The following OSBPL8 variants were observed in gnomAD, a reference collection of about 807,000 sequenced individuals.
OSBPL8 encodes oxysterol binding protein like 8.
In OSBPL8, 59 loss-of-function variants were observed where a neutral mutation model predicts 125.5. That is an observed-to-expected ratio of 0.47 (90% CI 0.38 to 0.58). The LOEUF (loss-of-function observed/expected upper bound fraction) is 0.58, where lower values mean the gene tolerates loss of function less well. Ranked by LOEUF, OSBPL8 falls within the 20% of genes least tolerant of loss-of-function variation. The probability of loss-of-function intolerance (pLI) is 0.00; values close to 1 mark genes in which losing one functional copy is unlikely to be tolerated. For synonymous variants in OSBPL8, 330 were observed against 338.9 expected (o/e 0.97, Z 0.29); for missense variants, 758 against 1,047.8 (o/e 0.72, Z 3.82).
intron 1 of OSBPL8, among the ~76,000 whole-genome samples, chr12:76,547,675 AC>A (rs1950818993): frequency 6.6e-6 from 1 of 152,202 alleles, no homozygotes; most frequent in African/African-American, 2.4e-5. Flanking sequence ...CCATCTAGAT[AC>A]ACTTGAGAAA....
chr12:76,464,932 G>A (rs192395812), intron 2 of OSBPL8, among the ~76,000 whole-genome samples: 3 of 152,264 alleles, frequency 2.0e-5, no homozygotes, highest in African/African-American at 2.4e-5. Flanking sequence ...TCTATTTAGC[G>A]TTATCATAGG....
chr12:76,448,536 T>C (rs1872988979), intron 4 of OSBPL8, among the ~76,000 whole-genome samples: 1 of 152,144 alleles, frequency 6.6e-6, no homozygotes, highest in Admixed American at 6.6e-5. Flanking sequence ...TCATATATCG[T>C]TTTTCAGGTC....
chr12:76,383,452 T>G (rs563711709), intron 15 of OSBPL8, among the ~76,000 whole-genome samples: 146 of 151,082 alleles, frequency 9.7e-4, no homozygotes, highest in African/African-American at 3.4e-3. Context: ...AAAGACACCT[T>G]GAAGAAATAT....
intron 5 of OSBPL8, among the ~76,000 whole-genome samples, chr12:76,403,397 T>C (rs1049577731): frequency 1.3e-5 from 2 of 152,204 alleles, no homozygotes; most frequent in Admixed American, 6.5e-5. Context: ...CACAAGAATC[T>C]TGAAAAATAG....
At chr12:76,496,896 TG>T (rs1879335921) in intron 1 of OSBPL8, among the ~76,000 whole-genome samples, 1 of 151,892 alleles carries the variant, frequency 6.6e-6, no homozygotes. Flanking sequence ...TTGCTCAGGC[TG>T]GTCTTGAACT....
At chr12:76,407,973 T>C (rs1954341679) in intron 5 of OSBPL8, among the ~76,000 whole-genome samples, 1 of 151,872 alleles carries the variant, frequency 6.6e-6, no homozygotes, top group Non-Finnish European at 1.5e-5. Context: ...TCTAGTATTG[T>C]TATGAACGTT....
At position 76,389,831 on chromosome 12, in the gene OSBPL8, T is replaced by TCTCCAAG. The variant is rs1953484047; in HGVS notation, c.1168-3_1168-2insCTTGGAG. The TCTCCAAG allele has an allele frequency of 6.7e-7, 1 of 1,483,846 alleles. No individual in the cohort carries two copies. The highest frequency in any genetic ancestry group is 9.0e-7 in the Non-Finnish European group (1 of 1,111,598). 91.9% of individuals were successfully genotyped at this position (1,483,846 alleles called of 1,614,324 possible). On this transcript the variant is annotated splice_region_variant and splice_polypyrimidine_tract_variant and intron_variant, in intron 11 of 23. Coordinates refer to ENST00000261183, the MANE Select transcript of OSBPL8 (RefSeq NM_020841.5). ...TTCTGTTTGAGAAGCCTCACCTGCC[T>TCTCCAAG]TTATCAATTAATGAAAATTACCAAA...
chr12:76,531,982 A>G (rs1950351376), intron 1 of OSBPL8, among the ~76,000 whole-genome samples: 1 of 146,174 alleles, frequency 6.8e-6, no homozygotes, highest in Non-Finnish European at 1.5e-5. Context: ...GCTTGCAGTG[A>G]GCCGAGATCG....
chr12:76,397,839 A>C lies in OSBPL8; in HGVS notation c.527T>G (p.Leu176Arg). ...ATTTTTTTGGGTTTTATAGATCAGT[A>C]GCACCCCAGGTTTCAACACACACCA... ...KLWCVLKPGV[L>R]LIYKTQKNGQ... Residue 176 changes from leucine (L) to arginine (R), a missense_variant, in exon 8 of 24, where the codon CTA becomes CGA. This residue lies in a region of OSBPL8 where 69 missense variants were observed against 148.7 expected (regional missense o/e 0.46). Transcript: ENST00000261183. 1 of 1,614,132 alleles carries C rather than the reference A, an allele frequency of 6.2e-7. No homozygotes were observed. Among genetic ancestry groups the C allele is most frequent in the Non-Finnish European group, 8.5e-7 (1 of 1,179,992 alleles).
intron 4 of OSBPL8, 30 bp from the exon 5 acceptor site, chr12:76,410,664 A>G (rs1283213328): frequency 7.0e-7 from 1 of 1,429,290 alleles, no homozygotes; most frequent in East Asian, 2.3e-5. Flanking sequence ...TATCAGTATT[A>G]CTACTTTTGA....
rs998202969 is a variant in OSBPL8, at chr12:76,352,151, G to C, written c.*3738C>G. The C allele has an allele frequency of 6.6e-6, 1 of 152,516 alleles. No homozygotes were observed. Among genetic ancestry groups the C allele is most frequent in the Admixed American group, 6.5e-5 (1 of 15,276 alleles). The allele number at this position is 152,516 out of a possible 1,614,324, so 9.4% of individuals were successfully genotyped here. On this transcript the variant is annotated 3_prime_UTR_variant, in exon 24 of 24. Coordinates refer to ENST00000261183, the MANE Select transcript of OSBPL8 (RefSeq NM_020841.5). Reference sequence around the variant, plus strand: ...AAAAGTGAAAAAAATTTCAACTGAAGTTCTGTGGCTCATCAGTTCAAATGT... The same window carrying C: ...AAAAGTGAAAAAAATTTCAACTGAACTTCTGTGGCTCATCAGTTCAAATGT...
intron 8 of OSBPL8, among the ~76,000 whole-genome samples, chr12:76,396,245 T>C (rs1953796735): frequency 6.6e-6 from 1 of 152,068 alleles, no homozygotes; most frequent in Non-Finnish European, 1.5e-5. Flanking sequence ...TCGCTGTGAC[T>C]CCCGACTACT....
chr12:76,541,212 C>T (rs917507255), intron 1 of OSBPL8, among the ~76,000 whole-genome samples: 3 of 152,166 alleles, frequency 2.0e-5, no homozygotes, highest in African/African-American at 7.2e-5. Flanking sequence ...GGCGCGGTGG[C>T]TCATGTCTGT....
intron 4 of OSBPL8, among the ~76,000 whole-genome samples, chr12:76,414,279 G>A (rs1235382411): frequency 1.3e-5 from 2 of 151,944 alleles, no homozygotes; most frequent in Non-Finnish European, 1.5e-5. Context: ...AATGGTGAAT[G>A]CATTCTTGTT....
intron 1 of OSBPL8, among the ~76,000 whole-genome samples, chr12:76,545,006 CAG>C (rs1278862323): frequency 2.0e-5 from 3 of 152,106 alleles, no homozygotes; most frequent in Non-Finnish European, 4.4e-5. Context: ...TACTAGGACC[CAG>C]AGAGAGTAAG....
At chr12:76,449,631 G>T (rs1056395116) in intron 4 of OSBPL8, among the ~76,000 whole-genome samples, 24 of 152,118 alleles carry the variant, frequency 1.6e-4, no homozygotes, top group African/African-American at 5.8e-4. Flanking sequence ...AAAAATTATT[G>T]CTCTTGAACC....
chr12:76,415,842 G>T lies in OSBPL8; in HGVS notation c.218-5208C>A, dbSNP rs1868584151. 2.0e-5 allele frequency among the ~76,000 whole-genome samples: 3 copies of T among 151,972 alleles called. No individual in the cohort carries two copies. In the South Asian group the frequency reaches 6.2e-4, roughly 32 times the overall value. ...CTTTTTCATAATAAATCATACCACAGGTTTGTCTATCAGTCTTTTTCCAAG... is the reference window on the plus strand; with the variant it reads ...CTTTTTCATAATAAATCATACCACATGTTTGTCTATCAGTCTTTTTCCAAG... On this transcript the variant is annotated intron_variant, in intron 4 of 23. Coordinates refer to ENST00000261183, the MANE Select transcript of OSBPL8 (RefSeq NM_020841.5).
intron 1 of OSBPL8, among the ~76,000 whole-genome samples, chr12:76,532,875 C>G (rs561114523): frequency 4.6e-5 from 7 of 152,182 alleles, no homozygotes; most frequent in African/African-American, 1.7e-4. Flanking sequence ...TCTCTAGATC[C>G]CTAAAGCTGT....
intron 4 of OSBPL8, among the ~76,000 whole-genome samples, chr12:76,447,483 C>T (rs1384720931): frequency 5.3e-5 from 8 of 151,932 alleles, no homozygotes; most frequent in South Asian, 2.1e-4. Context: ...TAAGTAATAC[C>T]GCAAAGATGT....
Sources: gnomAD v4.1 joint callset for allele counts (sites outside exome capture counted in the v4.1 genomes callset) on GRCh38, gnomAD v4.1.1 for gene constraint, gnomAD v4.1.1 regional missense constraint, MANE v1.5 for transcripts, NCBI Gene and HGNC (gene_info 2026-07-23, HGNC 2026-07-21) for gene names.